GMDS: variants seen among roughly 807,000 people sequenced by gnomAD.
The protein encoded by GMDS is GDP-mannose 4,6 dehydratase.
A neutral mutation model predicts 49.9 loss-of-function variants in GMDS; 20 were observed. The observed-to-expected ratio is 0.40, with a 90% CI of 0.28 to 0.58. GMDS has a LOEUF of 0.58. GMDS is among the 20% of genes least tolerant of loss of function. The pLI is 0.42. For synonymous variants in GMDS, 177 were observed against 178.6 expected (o/e 0.99, Z 0.07); for missense variants, 362 against 481.4 (o/e 0.75, Z 2.32).
At chr6:1,907,097 T>G (rs1760815711) in intron 7 of GMDS, among the ~76,000 whole-genome samples, 1 of 152,234 alleles carries the variant, frequency 6.6e-6, no homozygotes, top group Non-Finnish European at 1.5e-5. Context: ...TATTTGTGTC[T>G]GCAAGCACAC....
chr6:1,813,223 TA>T (rs56705761), intron 7 of GMDS, among the ~76,000 whole-genome samples: 14,180 of 85,266 alleles, frequency 0.17, 929 homozygotes, highest in East Asian at 0.23. Flanking sequence ...CTCTGTCTCT[TA>T]AAAAAAAAAA....
intron 1 of GMDS, among the ~76,000 whole-genome samples, chr6:2,209,105 A>T (rs1403884686): frequency 1.3e-5 from 2 of 152,180 alleles, no homozygotes; most frequent in South Asian, 2.1e-4. Flanking sequence ...AGAAATCAAG[A>T]TTTATTAGAT....
intron 7 of GMDS, among the ~76,000 whole-genome samples, chr6:1,862,387 CT>C (rs3839601): frequency 0.26 from 40,180 of 152,070 alleles, 5,256 homozygotes; most frequent in South Asian, 0.29. Flanking sequence ...GCTGGCACAG[CT>C]TCGAATCCGG....
chr6:2,066,486 A>T (rs1315034022), intron 4 of GMDS, among the ~76,000 whole-genome samples: 1 of 151,698 alleles, frequency 6.6e-6, no homozygotes, highest in Non-Finnish European at 1.5e-5. Context: ...TTGGATAAAG[A>T]GTCAAGACCC....
chr6:1,944,168 G>A (rs375900319), intron 6 of GMDS, among the ~76,000 whole-genome samples: 63 of 152,226 alleles, frequency 4.1e-4, no homozygotes, highest in African/African-American at 1.2e-3. Flanking sequence ...ATCTCGACTC[G>A]GAAGTGTAGT....
chr6:1,778,961 C>A lies in GMDS; in HGVS notation c.772-36375G>T, dbSNP rs1448638049. Among the ~76,000 whole-genome samples, 1 of 152,136 alleles carries A rather than the reference C, an allele frequency of 6.6e-6. No homozygotes were observed. The highest frequency in any genetic ancestry group is 1.5e-5 in the Non-Finnish European group (1 of 68,024). On this transcript the variant is annotated intron_variant, in intron 7 of 10. Transcript: ENST00000380815. This position sits in a 1 kb window ranked among gnomAD's most constrained non-coding sequence, Gnocchi z 4.6. ...CCGTGTCTGGCCCTTCAAAGGCCTA[C>A]CCCATCATCTCGCAGTGCTGGCGTG...
At chr6:1,813,096 A>C (rs1409482451) in intron 7 of GMDS, among the ~76,000 whole-genome samples, 2 of 151,766 alleles carry the variant, frequency 1.3e-5, no homozygotes, top group African/African-American at 4.8e-5. Flanking sequence ...GTGGTGTATG[A>C]GCACAGTCCC....
At chr6:2,228,978 T>C (rs1780950651) in intron 1 of GMDS, among the ~76,000 whole-genome samples, 1 of 151,988 alleles carries the variant, frequency 6.6e-6, no homozygotes, top group South Asian at 2.1e-4. Context: ...ATGATTGATG[T>C]GATGAAGTGG....
intron 9 of GMDS, among the ~76,000 whole-genome samples, chr6:1,680,555 C>T (rs1032059805): frequency 2.6e-5 from 4 of 152,198 alleles, no homozygotes; most frequent in Non-Finnish European, 5.9e-5. Flanking sequence ...CGGAAAGCAG[C>T]GTGGACCTTC....
intron 7 of GMDS, among the ~76,000 whole-genome samples, chr6:1,768,052 T>A (rs75393343): frequency 0.01 from 1,567 of 152,272 alleles, 34 homozygotes; most frequent in African/African-American, 0.037. Context: ...GGTGTTAAAA[T>A]AGGTATTTAG....
chr6:2,006,442 G>T (rs1387991722), intron 4 of GMDS, among the ~76,000 whole-genome samples: 1 of 151,980 alleles, frequency 6.6e-6, no homozygotes, highest in Non-Finnish European at 1.5e-5. Flanking sequence ...AAAGGAAAAA[G>T]AAAGATAAGA....
At chr6:1,846,710 C>G (rs568294679) in intron 7 of GMDS, among the ~76,000 whole-genome samples, 1 of 152,178 alleles carries the variant, frequency 6.6e-6, no homozygotes, top group African/African-American at 2.4e-5. Context: ...GGCAAAGCAA[C>G]GTACTGAGGG....
chr6:1,726,365 C>T (rs1766586239), intron 9 of GMDS, 51 bp downstream of exon 9: 1 of 1,249,072 alleles, frequency 8.0e-7, no homozygotes, highest in East Asian at 2.3e-5. Flanking sequence ...CGCATTTGCC[C>T]AGCCAGCCAG....
chr6:1,789,048 C>T (rs1769424274), intron 7 of GMDS, among the ~76,000 whole-genome samples: 1 of 152,142 alleles, frequency 6.6e-6, no homozygotes, highest in Non-Finnish European at 1.5e-5. Context: ...GCTAGGATGA[C>T]TCACAGAACT....
At chr6:1,698,086 G>A (rs980280260) in intron 9 of GMDS, among the ~76,000 whole-genome samples, 4 of 152,288 alleles carry the variant, frequency 2.6e-5, no homozygotes, top group Admixed American at 1.3e-4. Context: ...AAAGAGGAGC[G>A]CCGCCCAGCC....
At chr6:1,839,608 G>T (rs1319514280) in intron 7 of GMDS, among the ~76,000 whole-genome samples, 1 of 152,172 alleles carries the variant, frequency 6.6e-6, no homozygotes, top group Non-Finnish European at 1.5e-5. Context: ...GTATATATCA[G>T]ATCCATCATT....
intron 4 of GMDS, among the ~76,000 whole-genome samples, chr6:1,974,014 T>C (rs540130799): frequency 2.6e-5 from 4 of 152,226 alleles, no homozygotes; most frequent in African/African-American, 7.2e-5. Context: ...TCTTTGTAAG[T>C]CACAAAACAA....
At chr6:1,642,449 G>T (rs949221425) in intron 9 of GMDS, among the ~76,000 whole-genome samples, 1 of 152,016 alleles carries the variant, frequency 6.6e-6, no homozygotes, top group African/African-American at 2.4e-5. Flanking sequence ...GATTACAGGC[G>T]TGAGCCACCA....
intron 4 of GMDS, among the ~76,000 whole-genome samples, chr6:2,074,773 G>A (rs1772226435): frequency 6.6e-6 from 1 of 152,070 alleles, no homozygotes; most frequent in African/African-American, 2.4e-5. Context: ...CAAAGTGCTG[G>A]GATTACAAGC....
Sources: gnomAD v4.1 joint callset for allele counts (sites outside exome capture counted in the v4.1 genomes callset) on GRCh38, gnomAD v4.1.1 for gene constraint, Gnocchi (gnomAD v3.1) non-coding constraint, MANE v1.5 for transcripts, NCBI Gene and HGNC (gene_info 2026-07-23, HGNC 2026-07-21) for gene names.